RBMS3: variants seen among roughly 807,000 people sequenced by gnomAD.
RBMS3 encodes the protein RNA binding motif single stranded interacting protein 3, also known as RNA-binding motif, single-stranded-interacting protein 3.
A neutral mutation model predicts 66.8 loss-of-function variants in RBMS3; 27 were observed. That is an observed-to-expected ratio of 0.40 (90% CI 0.30 to 0.56). The LOEUF is 0.56. Among genes scored for constraint, RBMS3 ranks in the 20% least tolerant of loss-of-function variants. The probability of loss-of-function intolerance (pLI) is 0.40; values close to 1 mark genes in which losing one functional copy is unlikely to be tolerated. For missense variants in RBMS3, 513 were observed against 549.5 expected (o/e 0.93, Z 0.66); for synonymous variants, 188 against 183.0 (o/e 1.03, Z -0.22).
intron 6 of RBMS3, among the ~76,000 whole-genome samples, chr3:29,792,477 A>G (rs1206743230): frequency 6.6e-6 from 1 of 152,124 alleles, no homozygotes; most frequent in African/African-American, 2.4e-5. Context: ...ATGTGCACAT[A>G]TTGTTGTACC....
chr3:29,422,167 G>A (rs987084574), intron 1 of RBMS3, among the ~76,000 whole-genome samples: 1 of 152,148 alleles, frequency 6.6e-6, no homozygotes, highest in Admixed American at 6.5e-5. Context: ...AGCCTGCGTT[G>A]TGTGTCTGCA....
intron 1 of RBMS3, among the ~76,000 whole-genome samples, chr3:29,316,106 A>G (rs1575528806): frequency 6.6e-6 from 1 of 151,702 alleles, no homozygotes; most frequent in Admixed American, 6.6e-5. Flanking sequence ...AAAATATTTC[A>G]GGAAAGAGGC....
intron 6 of RBMS3, among the ~76,000 whole-genome samples, chr3:29,846,074 A>AT (rs71761490): frequency 0.014 from 2,019 of 148,680 alleles, 16 homozygotes; most frequent in Middle Eastern, 0.045. Flanking sequence ...AAAAAGTTTG[A>AT]TTTTTTTTTT....
chr3:29,430,714 G>T (rs1261209420), intron 1 of RBMS3, among the ~76,000 whole-genome samples: 2 of 152,114 alleles, frequency 1.3e-5, no homozygotes, highest in Non-Finnish European at 2.9e-5. Flanking sequence ...GTCTGAACTG[G>T]TCCTTCTAAT....
intron 5 of RBMS3, among the ~76,000 whole-genome samples, chr3:29,757,251 G>A (rs78079342): frequency 0.013 from 1,969 of 152,264 alleles, 20 homozygotes; most frequent in Non-Finnish European, 0.022. Context: ...TAGAAGCTGT[G>A]TGTCAGCAAC....
At chr3:29,365,353 A>G (rs1002447837) in intron 1 of RBMS3, among the ~76,000 whole-genome samples, 2 of 152,012 alleles carry the variant, frequency 1.3e-5, no homozygotes, top group African/African-American at 4.8e-5. Context: ...TTTTTTAGAT[A>G]TTGCCATTCA....
chr3:29,575,662 C>T (rs1330220903), intron 3 of RBMS3, among the ~76,000 whole-genome samples: 2 of 152,050 alleles, frequency 1.3e-5, no homozygotes, highest in Non-Finnish European at 2.9e-5. Flanking sequence ...ATACTACTTT[C>T]TAGATCTTGT....
At chr3:29,897,297 C>A (rs921301995) in intron 8 of RBMS3, 82 bp from the exon 9 acceptor site, 26 of 1,237,920 alleles carry the variant, frequency 2.1e-5, no homozygotes, top group Non-Finnish European at 2.8e-5. Flanking sequence ...ATATGTCTTT[C>A]CCATAGGTAC....
chr3:29,471,714 CTTAGTTTT>C (rs2042732660), intron 2 of RBMS3, among the ~76,000 whole-genome samples: 1 of 125,588 alleles, frequency 8.0e-6, no homozygotes, highest in Non-Finnish European at 1.6e-5. Flanking sequence ...ATCATGAGGA[CTTAGTTTT>C]TTTTTTTTTT....
chr3:29,437,424 G>A (rs1325237535), intron 2 of RBMS3, among the ~76,000 whole-genome samples: 1 of 152,220 alleles, frequency 6.6e-6, no homozygotes, highest in Non-Finnish European at 1.5e-5. Flanking sequence ...ATTGTTGAGG[G>A]AATAAGTTTT....
chr3:29,356,193 G>A (rs1466950571), intron 1 of RBMS3, among the ~76,000 whole-genome samples: 1 of 152,136 alleles, frequency 6.6e-6, no homozygotes, highest in African/African-American at 2.4e-5. Flanking sequence ...ACGTGGAAGG[G>A]TGTTTCAAAA....
intron 4 of RBMS3, among the ~76,000 whole-genome samples, chr3:29,685,592 G>C (rs2051696768): frequency 6.6e-6 from 1 of 151,834 alleles, no homozygotes; most frequent in Non-Finnish European, 1.5e-5. Flanking sequence ...GTGTGGATAA[G>C]AGCAGAAAAG....
chr3:29,698,315 C>T (rs1027119041), intron 4 of RBMS3: 6 of 985,372 alleles, frequency 6.1e-6, no homozygotes, highest in Non-Finnish European at 7.2e-6. Flanking sequence ...AGAGAATCAA[C>T]AATCCTTTGC....
At chr3:29,683,017 C>T (rs2051563316) in intron 4 of RBMS3, among the ~76,000 whole-genome samples, 1 of 152,144 alleles carries the variant, frequency 6.6e-6, no homozygotes, top group Non-Finnish European at 1.5e-5. Flanking sequence ...CACTGCTTTT[C>T]TCAGAGAGGC....
At chr3:29,711,783 C>A (rs545420965) in intron 4 of RBMS3, among the ~76,000 whole-genome samples, 2 of 152,264 alleles carry the variant, frequency 1.3e-5, no homozygotes, top group African/African-American at 4.8e-5. Context: ...TGAGGATTAG[C>A]TATTGCCTTT....
At chr3:29,997,230 T>A (rs1441862991) in intron 14 of RBMS3, among the ~76,000 whole-genome samples, 1 of 152,124 alleles carries the variant, frequency 6.6e-6, no homozygotes, top group Non-Finnish European at 1.5e-5. Context: ...AGAAGTTGAA[T>A]CTCTGAATAG....
At chr3:29,892,843 G>GTACGTATGTATTTATTTATT in intron 8 of RBMS3, among the ~76,000 whole-genome samples, 1 of 137,528 alleles carries the variant, frequency 7.3e-6, no homozygotes, top group South Asian at 2.3e-4. Flanking sequence ...ATGTATGTAT[G>GTACGTATGTATTTATTTATT]TATTTATTTA....
chr3:29,739,256 A>G (rs2054517429), intron 4 of RBMS3, among the ~76,000 whole-genome samples: 1 of 152,130 alleles, frequency 6.6e-6, no homozygotes, highest in South Asian at 2.1e-4. Flanking sequence ...GGAGATGGAG[A>G]CCATCCTGGC....
At chr3:29,855,401 A>G (rs898802246) in intron 6 of RBMS3, among the ~76,000 whole-genome samples, 3 of 152,198 alleles carry the variant, frequency 2.0e-5, no homozygotes, top group East Asian at 1.9e-4. Context: ...TTGCTTCTAC[A>G]TGTTTTATAT....
Sources: allele counts gnomAD v4.1 joint callset (sites outside exome capture counted in the v4.1 genomes callset), GRCh38; gene constraint gnomAD v4.1.1; transcripts MANE v1.5; gene names NCBI Gene and HGNC (gene_info 2026-07-23, HGNC 2026-07-21).